Variants in PCDHGA3 observed in about 807,000 individuals in gnomAD.
PCDHGA3 encodes the protein protocadherin gamma-A3.
In PCDHGA3, 40 loss-of-function variants were observed where a neutral mutation model predicts 58.5. The ratio of observed to expected loss-of-function variants is 0.68; its 90% CI spans 0.53 to 0.89. PCDHGA3 has a LOEUF of 0.89. Ranked by LOEUF, PCDHGA3 falls within the 40% of genes least tolerant of loss-of-function variation. PCDHGA3 has a pLI of 0.00. For missense variants in PCDHGA3, 1,223 were observed against 1,195.9 expected (o/e 1.02, Z -0.33); for synonymous variants, 530 against 525.7 (o/e 1.01, Z -0.11).
intron 1 of PCDHGA3, chr5:141,421,166 A>T: frequency 7.7e-7 from 1 of 1,301,524 alleles, no homozygotes; most frequent in Non-Finnish European, 1.0e-6. Context: ...CTTCATAGAT[A>T]CATAAGCCGA....
rs757586675 is a variant in PCDHGA3, at chr5:141,399,621, C to T, written c.2424+53164C>T. The T allele has an allele frequency of 1.1e-5, 17 of 1,613,830 alleles. No individual in the cohort carries two copies. The African/African-American group carries it at 2.3e-4, about 22-fold the overall frequency. On this transcript the variant is annotated intron_variant, in intron 1 of 3. Transcript: ENST00000253812. Reference sequence around the variant, plus strand: ...GCGACCTAGAGCCTCTGGCACTGGCCTCTTACGTGTCCATGAGCGCGCAAA... The same window carrying T: ...GCGACCTAGAGCCTCTGGCACTGGCTTCTTACGTGTCCATGAGCGCGCAAA...
chr5:141,464,707 A>G (rs1052234067), intron 1 of PCDHGA3, among the ~76,000 whole-genome samples: 13 of 152,112 alleles, frequency 8.5e-5, no homozygotes, highest in African/African-American at 3.1e-4. Flanking sequence ...ATGAGGTTAA[A>G]TAGTTTTTCA....
chr5:141,347,786 C>CAAA (rs1186221035), intron 1 of PCDHGA3, among the ~76,000 whole-genome samples: 1 of 106,298 alleles, frequency 9.4e-6, no homozygotes. Context: ...GACTCCATCT[C>CAAA]AAAAAAAAAA....
At chr5:141,430,909 G>A (rs1054175762) in intron 1 of PCDHGA3, 2 of 1,607,160 alleles carry the variant, frequency 1.2e-6, no homozygotes, top group Non-Finnish European at 1.7e-6. Context: ...ACATCTCCAG[G>A]GACCTGGGGC....
chr5:141,400,229 T>C lies in PCDHGA3; in HGVS notation c.2424+53772T>C, dbSNP rs370433551. ...GCCTTGATCTCAGTGCTCTTCCTCCTGGCCGTGATTCTGGCCGTTGCCTTG... is the reference window on the plus strand; with the variant it reads ...GCCTTGATCTCAGTGCTCTTCCTCCCGGCCGTGATTCTGGCCGTTGCCTTG... On this transcript the variant is annotated intron_variant, in intron 1 of 3. Transcript: ENST00000253812. 3.1e-6 allele frequency: 5 copies of C among 1,613,872 alleles called. No individual in the cohort carries two copies. In the African/African-American group the frequency reaches 4.0e-5, roughly 13 times the overall value.
intron 1 of PCDHGA3, among the ~76,000 whole-genome samples, chr5:141,472,742 T>C (rs926507203): frequency 2.0e-5 from 3 of 151,762 alleles, no homozygotes; most frequent in Non-Finnish European, 4.4e-5. Flanking sequence ...TCCCAGCACT[T>C]TGGGAGGCGG....
In PCDHGA3 at chr5:141,478,732, T is replaced by C. The variant is rs772167680; in HGVS notation, c.2425-16075T>C. 7.2e-6 allele frequency: 11 copies of C among 1,537,428 alleles called. No homozygotes were observed. In the South Asian group the frequency reaches 1.2e-4, roughly 17 times the overall value. On this transcript the variant is annotated intron_variant, in intron 1 of 3. Transcript: ENST00000253812. ...GAGATGGTGGCCTGCCAGAGTGTGG[T>C]TTGTGGTCCCATTTCAGGGGGAAGA...
chr5:141,421,383 C>A lies in PCDHGA3; in HGVS notation c.2425-73424C>A, dbSNP rs754951142. The A allele has an allele frequency of 2.5e-6, 4 of 1,614,034 alleles. 1 individual carries two copies. The highest frequency in any genetic ancestry group is 8.5e-7 in the Non-Finnish European group (1 of 1,179,910). On this transcript the variant is annotated intron_variant, in intron 1 of 3. Transcript: ENST00000253812. ...CCTTCGTGGGCAATATCTCCAAGGA[C>A]CTGGGGCTGGAGCCCCGGGAGCTGG...
In PCDHGA3 at chr5:141,432,017, A is replaced by G. The variant is rs372826902; in HGVS notation, c.2425-62790A>G. The stretch of plus-strand genomic sequence containing the variant: ...TAGGGAACAGGTTCCTAGCTACAAC[A>G]TCACAGTGACCGCCACTGACCGGGG... On this transcript the variant is annotated intron_variant, in intron 1 of 3. Coordinates refer to ENST00000253812, the MANE Select transcript of PCDHGA3 (RefSeq NM_018916.4). This position sits in a 1 kb window ranked among gnomAD's most constrained non-coding sequence, Gnocchi z 6.0. The G allele has an allele frequency of 6.2e-7, 1 of 1,614,224 alleles. No individual in the cohort carries two copies. Among genetic ancestry groups the G allele is most frequent in the Non-Finnish European group, 8.5e-7 (1 of 1,180,038 alleles).
chr5:141,381,798 C>CTCTTTCTTTCTTTCTTTCTT (rs372235829), intron 1 of PCDHGA3, among the ~76,000 whole-genome samples: 32 of 144,170 alleles, frequency 2.2e-4, no homozygotes, highest in African/African-American at 7.7e-4. Flanking sequence ...AGGCAATTCC[C>CTCTTTCTTTCTTTCTTTCTT]TCTTTCTTTC....
At chr5:141,450,297 G>A (rs1414677718) in intron 1 of PCDHGA3, among the ~76,000 whole-genome samples, 3 of 151,838 alleles carry the variant, frequency 2.0e-5, no homozygotes, top group Non-Finnish European at 4.4e-5. Context: ...ACAGGCGTGA[G>A]CCACCATGTG....
At chr5:141,503,801 G>A (rs920669425) in intron 2 of PCDHGA3, among the ~76,000 whole-genome samples, 1 of 151,990 alleles carries the variant, frequency 6.6e-6, no homozygotes, top group Admixed American at 6.6e-5. Flanking sequence ...ACTTAGGGAC[G>A]GGGAATCCCA....
At chr5:141,382,912 C>T in intron 1 of PCDHGA3, 1 of 1,552,240 alleles carries the variant, frequency 6.4e-7, no homozygotes, top group South Asian at 1.2e-5. Context: ...GGCGGCTCAG[C>T]CGAGGGGCGG....
chr5:141,404,315 G>A lies in PCDHGA3; in HGVS notation c.2424+57858G>A, dbSNP rs775576610. The A allele has an allele frequency of 9.7e-5, 157 of 1,613,768 alleles. No individual in the cohort carries two copies. Among genetic ancestry groups the A allele is most frequent in the South Asian group, 4.1e-4 (37 of 91,078 alleles). On this transcript the variant is annotated intron_variant, in intron 1 of 3. Transcript: ENST00000253812. Reference sequence around the variant, plus strand: ...TGATAATCCACCTGCTTTCTCTCAAGCCTCCTACTCAGTCTACCTCCCGGA... The same window carrying A: ...TGATAATCCACCTGCTTTCTCTCAAACCTCCTACTCAGTCTACCTCCCGGA...
At chr5:141,451,561 C>T (rs1412657561) in intron 1 of PCDHGA3, among the ~76,000 whole-genome samples, 2 of 152,096 alleles carry the variant, frequency 1.3e-5, no homozygotes, top group Non-Finnish European at 2.9e-5. Flanking sequence ...ATGAAAGCCA[C>T]AATCTTTTTA....
intron 1 of PCDHGA3, among the ~76,000 whole-genome samples, chr5:141,382,170 C>T (rs1056617010): frequency 1.3e-5 from 2 of 151,888 alleles, no homozygotes; most frequent in Non-Finnish European, 2.9e-5. Context: ...GGTGTTAGAC[C>T]GTCTCTAAGG....
Position 141,352,027 on chromosome 5 carries a change from G to A in PCDHGA3, c.2424+5570G>A, listed in dbSNP as rs764316289. Reference sequence around the variant, plus strand: ...GCTACCTGGTGACCAAGGTGGTGGCGGTGGACGCAGACTCAGGACACAACG... The same window carrying A: ...GCTACCTGGTGACCAAGGTGGTGGCAGTGGACGCAGACTCAGGACACAACG... On this transcript the variant is annotated intron_variant, in intron 1 of 3. Transcript: ENST00000253812. 8 of 1,609,132 alleles carry A rather than the reference G, an allele frequency of 5.0e-6. No individual in the cohort carries two copies. The South Asian group carries it at 8.8e-5, about 18-fold the overall frequency.
At chr5:141,421,964 C>A (rs772274014) in intron 1 of PCDHGA3, 3 of 1,611,350 alleles carry the variant, frequency 1.9e-6, no homozygotes, top group Non-Finnish European at 2.5e-6. Flanking sequence ...TTTACACAGT[C>A]CGTATATCGC....
At position 141,460,338 on chromosome 5, in the gene PCDHGA3, T is replaced by C. The variant is rs1180912204; in HGVS notation, c.2425-34469T>C. Among the ~76,000 whole-genome samples, 4 of 152,222 alleles carry C rather than the reference T, an allele frequency of 2.6e-5. No homozygotes were observed. The East Asian group carries it at 7.7e-4, about 29-fold the overall frequency. On this transcript the variant is annotated intron_variant, in intron 1 of 3. Transcript: ENST00000253812. ...GCCTACTGAAAACTTATGATGATTT[T>C]CTCCTATATTTTCTTTTAGAAGTTT...
Sources: allele counts gnomAD v4.1 joint callset (sites outside exome capture counted in the v4.1 genomes callset), GRCh38; gene constraint gnomAD v4.1.1; non-coding constraint Gnocchi (gnomAD v3.1); transcripts MANE v1.5; gene names NCBI Gene and HGNC (gene_info 2026-07-23, HGNC 2026-07-21).